The following RPUSD1 variants were observed in gnomAD, a reference collection of about 807,000 sequenced individuals.
The protein encoded by RPUSD1 is pseudouridylate synthase RPUSD1.
A neutral mutation model predicts 22.4 loss-of-function variants in RPUSD1; 28 were observed. The observed-to-expected ratio is 1.25, with a 90% CI of 0.93 to 1.72. The LOEUF is 1.72. Among genes scored for constraint, RPUSD1 ranks in the 40% most tolerant of loss-of-function variants. The pLI is 0.00. For synonymous variants in RPUSD1, 298 were observed against 201.0 expected (o/e 1.48, Z -4.08); for missense variants, 596 against 442.2 (o/e 1.35, Z -3.12).
rs1170495358 is a variant in RPUSD1, at chr16:785,902, T to C, written c.*48A>G. 5.0e-6 allele frequency: 7 copies of C among 1,395,588 alleles called. No homozygotes were observed. The African/African-American group carries it at 8.7e-5, about 17-fold the overall frequency. The allele number at this position is 1,395,588 out of a possible 1,614,324, so 86.5% of individuals were successfully genotyped here. On this transcript the variant is annotated 3_prime_UTR_variant, in exon 6 of 6. Coordinates refer to ENST00000007264, the MANE Select transcript of RPUSD1 (RefSeq NM_058192.3). The stretch of plus-strand genomic sequence containing the variant: ...GCAGACGCTCGCTCGCCCATCTCCC[T>C]AGAGTCCCGCTGTGCAGCTGACACC...
chr16:785,896 T>C lies in RPUSD1; in HGVS notation c.*54A>G, dbSNP rs528260988. 3 of 1,353,416 alleles carry C rather than the reference T, an allele frequency of 2.2e-6. No individual in the cohort carries two copies. Among genetic ancestry groups the C allele is most frequent in the East Asian group, 2.7e-5 (1 of 37,248 alleles). 83.8% of individuals were successfully genotyped at this position (1,353,416 alleles called of 1,614,324 possible). ...CAGTGAGCAGACGCTCGCTCGCCCA[T>C]CTCCCTAGAGTCCCGCTGTGCAGCT... is the stretch of plus-strand genomic sequence containing the variant. On this transcript the variant is annotated 3_prime_UTR_variant, in exon 6 of 6. Coordinates refer to ENST00000007264, the MANE Select transcript of RPUSD1 (RefSeq NM_058192.3).
At position 785,846 on chromosome 16, in the gene RPUSD1, G is replaced by T; in HGVS notation, c.*104C>A. 1 of 1,097,740 alleles carries T rather than the reference G, an allele frequency of 9.1e-7. No homozygotes were observed. Among genetic ancestry groups the T allele is most frequent in the Non-Finnish European group, 1.2e-6 (1 of 823,290 alleles). 68.0% of individuals were successfully genotyped at this position (1,097,740 alleles called of 1,614,324 possible). On this transcript the variant is annotated 3_prime_UTR_variant, in exon 6 of 6. Transcript: ENST00000007264. ...GGGGCAACCCAGTGGGCCTGATGCT[G>T]CCTGGCACCTCGAGGCCCCAGAGCC...
chr16:786,111 G>A lies in RPUSD1; in HGVS notation c.778C>T (p.Pro260Ser), dbSNP rs112366818. Residue 260 changes from proline (P) to serine (S), a missense_variant, in exon 6 of 6, where the codon CCT becomes TCT. By Grantham distance (74) the Pro-to-Ser change is moderately conservative (BLOSUM62 -1). Transcript: ENST00000007264. ...LVQALRATPD[P>S]DPEDRGPRPG... ...CTGGGGCCCCTATCCTCGGGGTCAG[G>A]GTCGGGGGTGGCCCGTAAGGCCTGC... The A allele has an allele frequency of 6.3e-7, 1 of 1,594,972 alleles. No individual in the cohort carries two copies. The highest frequency in any genetic ancestry group is 8.6e-7 in the Non-Finnish European group (1 of 1,166,890).
intron 5 of RPUSD1, chr16:786,601 T>C (rs569092178): frequency 2.7e-6 from 2 of 737,554 alleles, no homozygotes; most frequent in Admixed American, 2.0e-5. Context: ...TGGTGCTCGG[T>C]CCTGGAGAAT....
chr16:787,070 G>T lies in RPUSD1; in HGVS notation c.409+7C>A. The T allele has an allele frequency of 6.2e-7, 1 of 1,602,536 alleles. No homozygotes were observed. The highest frequency in any genetic ancestry group is 8.5e-7 in the Non-Finnish European group (1 of 1,175,878). On this transcript the variant is annotated splice_region_variant and intron_variant, in intron 4 of 5. Coordinates refer to ENST00000007264, the MANE Select transcript of RPUSD1 (RefSeq NM_058192.3). ...ATGCCCGCCCGGTGGGTCCCTGCCTGCCACACCCTGCGAGCCCTCGATGCA... is the reference window on the plus strand; with the variant it reads ...ATGCCCGCCCGGTGGGTCCCTGCCTTCCACACCCTGCGAGCCCTCGATGCA...
intron 3 of RPUSD1, 77 bp from the exon 4 acceptor site, chr16:787,256 C>A (rs2041969667): frequency 6.5e-7 from 1 of 1,549,072 alleles, no homozygotes; most frequent in Non-Finnish European, 8.7e-7. Context: ...CACCAAGCAA[C>A]CACGTAGAGC....
At position 786,177 on chromosome 16, in the gene RPUSD1, A is replaced by G. The variant is rs1284780043; in HGVS notation, c.712T>C (p.Trp238Arg). The G allele has an allele frequency of 6.2e-7, 1 of 1,612,450 alleles. No individual in the cohort carries two copies. Among genetic ancestry groups the G allele is most frequent in the Non-Finnish European group, 8.5e-7 (1 of 1,179,830 alleles). ...GACTGCAGCAGTGTGTGGGGGCTCC[A>G]GCAGGCATCCAGGGAGGGCAGGAAG... Reference protein sequence around the residue: ...DPFLPSLDACWSPHTLLQSLD... With the variant: ...DPFLPSLDACRSPHTLLQSLD... Residue 238 changes from tryptophan (W) to arginine (R), a missense_variant, in exon 6 of 6, where the codon TGG becomes CGG. Transcript: ENST00000007264.
At position 786,548 on chromosome 16, in the gene RPUSD1, G is replaced by A. The variant is rs577849463; in HGVS notation, c.512-171C>T. ...AGTGAGGATGACAGTATTTAGGACA[G>A]AAGATTGTGTTCAGGTCACCACTGG... On this transcript the variant is annotated intron_variant, in intron 5 of 5. Coordinates refer to ENST00000007264, the MANE Select transcript of RPUSD1 (RefSeq NM_058192.3). 2.8e-4 allele frequency: 220 copies of A among 779,724 alleles called. No individual in the cohort carries two copies. In the African/African-American group the frequency reaches 3.2e-3, roughly 11 times the overall value. The allele number at this position is 779,724 out of a possible 1,614,324, so 48.3% of individuals were successfully genotyped here.
chr16:786,166 G>A lies in RPUSD1; in HGVS notation c.723C>T (p.His241=), dbSNP rs780718620. ...GCTGGTCCAGCGACTGCAGCAGTGT[G>A]TGGGGGCTCCAGCAGGCATCCAGGG... ...LPSLDACWSP[H]TLLQSLDQLV... Residue 241 remains histidine (H), a synonymous_variant, in exon 6 of 6, where the codon CAC becomes CAT. Transcript: ENST00000007264. The A allele has an allele frequency of 6.2e-7, 1 of 1,612,472 alleles. No homozygotes were observed.
chr16:786,992 G>A (rs2272896), intron 4 of RPUSD1, 64 bp from the exon 5 acceptor site: 19 of 1,562,272 alleles, frequency 1.2e-5, no homozygotes, highest in Admixed American at 1.7e-5. Context: ...CCACCCCAAC[G>A]CACGATGCCC....
Position 786,828 on chromosome 16 carries a change from C to T in RPUSD1, c.510G>A (p.Thr170=), listed in dbSNP as rs184493261. The T allele has an allele frequency of 2.3e-4, 370 of 1,612,180 alleles. 2 individuals carry two copies. In the East Asian group the frequency reaches 7.0e-3, roughly 30 times the overall value. Residue 170 remains threonine, a splice_region_variant and synonymous_variant, in exon 5 of 6, where the codon ACG becomes ACA. Coordinates refer to ENST00000007264, the MANE Select transcript of RPUSD1 (RefSeq NM_058192.3). ...PVSKVLLKPL[T]GRTHQLRVHC... is the part of the protein sequence containing the mutation. ...GGACACCGCCCACCCCAGACACACC[C>T]GTGAGCGGCTTCAGCAGCACTTTGG...
Position 786,000 on chromosome 16 carries a change from C to T in RPUSD1, c.889G>A (p.Gly297Ser). 1 of 1,463,152 alleles carries T rather than the reference C, an allele frequency of 6.8e-7. No homozygotes were observed. The highest frequency in any genetic ancestry group is 9.0e-7 in the Non-Finnish European group (1 of 1,111,840). The allele number at this position is 1,463,152 out of a possible 1,614,324, so 90.6% of individuals were successfully genotyped here. A position where few individuals can be genotyped will look rare whatever the true frequency, so the allele number is the denominator to read the frequency against. Reference sequence around the variant, plus strand: ...TCCGACAGCCACTGCAGGCAGGGGCCCCGCTGTGCCTCAGTCTCAGGGGGC... The same window carrying T: ...TCCGACAGCCACTGCAGGCAGGGGCTCCGCTGTGCCTCAGTCTCAGGGGGC... ...TKPPETEAQRGPCLQWLSEWT... is the reference protein window; with the variant it reads ...TKPPETEAQRSPCLQWLSEWT... The change falls in exon 6 of 6, where the codon GGC becomes AGC. Residue 297 changes from glycine (G) to serine (S), a missense_variant. Transcript: ENST00000007264.
chr16:787,801 G>A, intron 1 of RPUSD1, 57 bp from the exon 2 acceptor site: 1 of 1,553,606 alleles, frequency 6.4e-7, no homozygotes, highest in South Asian at 1.1e-5. Flanking sequence ...CCCCAGCCCA[G>A]CATACAGAGG....
At chr16:787,986 G>C (rs577596418) in intron 1 of RPUSD1, 2 of 579,446 alleles carry the variant, frequency 3.5e-6, no homozygotes, top group East Asian at 5.9e-5. Context: ...TAAGCCTGGA[G>C]AAAGAGCCCG....
rs776437793 is a variant in RPUSD1, at chr16:788,265, G to A, written c.-17C>T. ...CCACGCCAAGACCAACCTGCTGCCGGGCCGTGCAGTCCAGGCCCCCGATGC... is the reference window on the plus strand; with the variant it reads ...CCACGCCAAGACCAACCTGCTGCCGAGCCGTGCAGTCCAGGCCCCCGATGC... On this transcript the variant is annotated 5_prime_UTR_variant, in exon 1 of 6. Coordinates refer to ENST00000007264, the MANE Select transcript of RPUSD1 (RefSeq NM_058192.3). 1 of 368,304 alleles carries A rather than the reference G, an allele frequency of 2.7e-6. No individual in the cohort carries two copies. The highest frequency in any genetic ancestry group is 1.9e-5 in the South Asian group (1 of 52,438). 22.8% of individuals were successfully genotyped at this position (368,304 alleles called of 1,614,324 possible).
chr16:786,345 C>A lies in RPUSD1; in HGVS notation c.544G>T (p.Ala182Ser), dbSNP rs1203767124. The stretch of plus-strand genomic sequence containing the variant: ...TCGCCCACCACGGGGTGGCCCAGGG[C>A]ACTGCAGTGCACGCGCAGCTGGTGT... ...RTHQLRVHCS[A>S]LGHPVVGDLT... The change falls in exon 6 of 6, where the codon GCC (alanine) becomes TCC (serine). Residue 182 changes from alanine to serine, a missense_variant. Transcript: ENST00000007264. 1 of 1,611,332 alleles carries A rather than the reference C, an allele frequency of 6.2e-7. No individual in the cohort carries two copies. The highest frequency in any genetic ancestry group is 8.5e-7 in the Non-Finnish European group (1 of 1,179,070).
At position 785,660 on chromosome 16, in the gene RPUSD1, C is replaced by T. The variant is rs2041876042; in HGVS notation, c.*290G>A. 1 of 366,828 alleles carries T rather than the reference C, an allele frequency of 2.7e-6. No individual in the cohort carries two copies. The highest frequency in any genetic ancestry group is 4.9e-6 in the Non-Finnish European group (1 of 205,988). The allele number at this position is 366,828 out of a possible 1,614,324, so 22.7% of individuals were successfully genotyped here. ...GACGCTTGAGAGCCGGAAGCTGTTC[C>T]AGGAGGAGGGAGGGGCCTCGGTTTC... On this transcript the variant is annotated 3_prime_UTR_variant, in exon 6 of 6. Transcript: ENST00000007264.
Position 788,031 on chromosome 16 carries a change from C to T in RPUSD1, c.-8+225G>A, listed in dbSNP as rs1289688225. On this transcript the variant is annotated intron_variant, in intron 1 of 5. Transcript: ENST00000007264. ...TGCCCCACAGATCCTCCCCACAGAC[C>T]CTCCCCTCCAGGGGATGCACGTGAA... is the stretch of plus-strand genomic sequence containing the variant. 5.5e-6 allele frequency: 3 copies of T among 541,262 alleles called. No individual in the cohort carries two copies. The South Asian group carries it at 5.7e-5, about 10-fold the overall frequency. The allele number at this position is 541,262 out of a possible 1,614,324, so 33.5% of individuals were successfully genotyped here.
Position 787,398 on chromosome 16 carries a change from T to C in RPUSD1, c.262A>G (p.Arg88Gly). The part of the protein sequence containing the change: ...LNKAAAGSAY[R>G]CFKERRVTKA... ...GTCACGCGCCGCTCCTTGAAGCACC[T>C]GTACGCGCTGCCGGCGGCTGCCTTG... Residue 88 changes from arginine (R) to glycine (G), a missense_variant, in exon 3 of 6, where the codon AGG becomes GGG. Physicochemically the swap from Arg to Gly is moderately radical, Grantham distance 125. Transcript: ENST00000007264. 1.9e-6 allele frequency: 3 copies of C among 1,588,960 alleles called. No individual in the cohort carries two copies. The highest frequency in any genetic ancestry group is 1.7e-4 in the Middle Eastern group (1 of 6,008).
Sources: allele counts gnomAD v4.1 joint callset, GRCh38; gene constraint gnomAD v4.1.1; transcripts MANE v1.5; gene names NCBI Gene and HGNC (gene_info 2026-07-23, HGNC 2026-07-21).